LEPR: variants seen among roughly 807,000 people sequenced by gnomAD.
LEPR encodes the protein OB receptor.
Under a neutral mutation model 114.7 loss-of-function variants are expected in LEPR, and 56 were observed. That is an observed-to-expected ratio of 0.49 (90% CI 0.39 to 0.61). The LOEUF is 0.61. Among genes scored for constraint, LEPR ranks in the 20% least tolerant of loss-of-function variants. LEPR has a pLI of 0.00. For synonymous variants in LEPR, 443 were observed against 461.4 expected, an observed-to-expected ratio of 0.96 and a Z score of 0.51; for missense variants, 1,202 against 1,352.9, an observed-to-expected ratio of 0.89 and a Z score of 1.75.
At chr1:65,590,428 G>A (rs1435413751) in intron 5 of LEPR, among the ~76,000 whole-genome samples, 1 of 150,998 alleles carries the variant, frequency 6.6e-6, no homozygotes, top group Non-Finnish European at 1.5e-5. Flanking sequence ...AAGTGTCATG[G>A]GAGGAACCCA....
intron 2 of LEPR, among the ~76,000 whole-genome samples, chr1:65,554,428 A>T (rs1451234040): frequency 6.6e-6 from 1 of 152,170 alleles, no homozygotes; most frequent in Non-Finnish European, 1.5e-5. Context: ...GGAGGAATCT[A>T]GAGAGGCAGT....
chr1:65,510,131 T>C lies in LEPR; in HGVS notation c.-20-55415T>C, dbSNP rs142236221. ...AGTAACAGGAAATGAAACTGACTCA[T>C]ATGGAGAAGCAGAGACAAGAGATAG... On this transcript the variant is annotated intron_variant, in intron 2 of 19. Transcript: ENST00000349533. Among the ~76,000 whole-genome samples the C allele has an allele frequency of 1.4e-4, 22 of 152,310 alleles. No homozygotes were observed. In the East Asian group the frequency reaches 3.3e-3, roughly 23 times the overall value.
At chr1:65,483,767 G>A (rs1056141865) in intron 2 of LEPR, among the ~76,000 whole-genome samples, 2 of 152,012 alleles carry the variant, frequency 1.3e-5, no homozygotes. Flanking sequence ...ACATGGCTCT[G>A]TCTCTTCATT....
chr1:65,608,949 A>G (rs765424754), intron 12 of LEPR, 48 bp downstream of exon 12: 2 of 1,607,678 alleles, frequency 1.2e-6, no homozygotes, highest in South Asian at 1.1e-5. Context: ...TGCTATTTTT[A>G]TAATATGTAA....
At chr1:65,525,509 G>A (rs1320377706) in intron 2 of LEPR, 7 of 499,398 alleles carry the variant, frequency 1.4e-5, no homozygotes, top group South Asian at 1.7e-4. Context: ...CGCCACCTGC[G>A]CGACCGCCCT....
intron 2 of LEPR, among the ~76,000 whole-genome samples, chr1:65,443,773 C>T (rs1256612523): frequency 1.3e-5 from 2 of 152,030 alleles, no homozygotes; most frequent in Non-Finnish European, 2.9e-5. Flanking sequence ...GTTGGTTATT[C>T]AGAGAAGTAG....
intron 1 of LEPR, among the ~76,000 whole-genome samples, chr1:65,422,987 G>A (rs1489542455): frequency 6.6e-6 from 1 of 152,212 alleles, no homozygotes; most frequent in African/African-American, 2.4e-5. Context: ...GTAGCAGAGA[G>A]TTTAAGAAGT....
chr1:65,573,713 A>G (rs1410929540), intron 5 of LEPR, among the ~76,000 whole-genome samples: 3 of 152,198 alleles, frequency 2.0e-5, no homozygotes, highest in Non-Finnish European at 4.4e-5. Flanking sequence ...AACTGTCCCT[A>G]TACAAATGAA....
chr1:65,445,847 ACT>A (rs778312630), intron 2 of LEPR, among the ~76,000 whole-genome samples: 3 of 152,180 alleles, frequency 2.0e-5, no homozygotes, highest in Non-Finnish European at 4.4e-5. Flanking sequence ...AACAGGTGAA[ACT>A]CTCTTAACAT....
In LEPR at chr1:65,583,818, G is replaced by T. The variant is rs1186378768; in HGVS notation, c.495-8839G>T. On this transcript the variant is annotated intron_variant, in intron 5 of 19. Coordinates refer to ENST00000349533, the MANE Select transcript of LEPR (RefSeq NM_002303.6). Reference sequence around the variant, plus strand: ...GGAAATGACAGAGATGATAGAATTGGTAGACAAAGACAGCTATCATTAATA... The same window carrying T: ...GGAAATGACAGAGATGATAGAATTGTTAGACAAAGACAGCTATCATTAATA... 1.3e-5 allele frequency among the ~76,000 whole-genome samples: 2 copies of T among 151,844 alleles called. 1 individual carries two copies. Among genetic ancestry groups the T allele is most frequent in the Non-Finnish European group, 2.9e-5 (2 of 67,954 alleles).
intron 2 of LEPR, among the ~76,000 whole-genome samples, chr1:65,500,214 T>C (rs1648375071): frequency 6.6e-6 from 1 of 152,142 alleles, no homozygotes; most frequent in Non-Finnish European, 1.5e-5. Context: ...TACACCTCTT[T>C]TCTTTATAAA....
Position 65,572,319 on chromosome 1 carries a change from A to AT in LEPR, c.371-7_371-6insT. 1 of 1,188,760 alleles carries AT rather than the reference A, an allele frequency of 8.4e-7. No homozygotes were observed. Among genetic ancestry groups the AT allele is most frequent in the South Asian group, 1.8e-5 (1 of 54,804 alleles). The allele number at this position is 1,188,760 out of a possible 1,614,324, so 73.6% of individuals were successfully genotyped here. On this transcript the variant is annotated splice_region_variant and splice_polypyrimidine_tract_variant and intron_variant, in intron 4 of 19. Transcript: ENST00000349533. ...TTTTTTTTTTTTTTTTTTTTTTTTAAATTCAGATGCAAACTGGAACATACA... is the reference window on the plus strand; with the variant it reads ...TTTTTTTTTTTTTTTTTTTTTTTTAATATTCAGATGCAAACTGGAACATACA...
chr1:65,532,688 G>A (rs935009854), intron 2 of LEPR, among the ~76,000 whole-genome samples: 7 of 141,850 alleles, frequency 4.9e-5, no homozygotes, highest in Non-Finnish European at 9.2e-5. Context: ...GCTTCAACAC[G>A]ATGATCCTTG....
intron 2 of LEPR, among the ~76,000 whole-genome samples, chr1:65,475,974 G>A (rs1351237576): frequency 6.6e-6 from 1 of 151,560 alleles, no homozygotes; most frequent in Non-Finnish European, 1.5e-5. Flanking sequence ...CCATGATCAC[G>A]CCACTGCACT....
intron 10 of LEPR, 148 bp from the exon 11 acceptor site, chr1:65,604,890 T>G: frequency 2.4e-6 from 2 of 826,506 alleles, no homozygotes; most frequent in Non-Finnish European, 3.8e-6. Flanking sequence ...CCATCCCCCA[T>G]TAGTGGAAAA....
chr1:65,507,167 C>T (rs1648772910), intron 2 of LEPR, among the ~76,000 whole-genome samples: 1 of 152,092 alleles, frequency 6.6e-6, no homozygotes. Flanking sequence ...CCTCCTGCTT[C>T]AGCCTCCCAA....
intron 2 of LEPR, among the ~76,000 whole-genome samples, chr1:65,508,249 A>G (rs1039660915): frequency 6.6e-6 from 1 of 152,196 alleles, no homozygotes; most frequent in African/African-American, 2.4e-5. Flanking sequence ...ATTATAGCCA[A>G]GAAATCATTC....
chr1:65,469,504 T>C (rs1647056720), intron 2 of LEPR, among the ~76,000 whole-genome samples: 1 of 152,190 alleles, frequency 6.6e-6, no homozygotes, highest in Non-Finnish European at 1.5e-5. Flanking sequence ...TGGCAACAGA[T>C]GACTAAATAC....
At chr1:65,598,447 T>C (rs948753243) in intron 7 of LEPR, among the ~76,000 whole-genome samples, 1 of 152,152 alleles carries the variant, frequency 6.6e-6, no homozygotes, top group Non-Finnish European at 1.5e-5. Context: ...TCATTATGAT[T>C]TTTTCTTGGA....
Sources: allele counts gnomAD v4.1 joint callset (sites outside exome capture counted in the v4.1 genomes callset), GRCh38; gene constraint gnomAD v4.1.1; transcripts MANE v1.5; gene names NCBI Gene and HGNC (gene_info 2026-07-23, HGNC 2026-07-21).